The following FAM13A variants were observed in gnomAD, a reference collection of about 807,000 sequenced individuals.
FAM13A encodes the protein protein FAM13A.
In FAM13A, 76 loss-of-function variants were observed where a neutral mutation model predicts 129.6. The observed-to-expected ratio is 0.59, with a 90% CI of 0.49 to 0.71. The LOEUF (loss-of-function observed/expected upper bound fraction) is 0.71. Among genes scored for constraint, FAM13A ranks in the 30% least tolerant of loss-of-function variants. The pLI is 0.00. For missense variants in FAM13A, 1,108 were observed against 1,249.3 expected (o/e 0.89, Z 1.70); for synonymous variants, 443 against 449.9 (o/e 0.98, Z 0.20).
intron 7 of FAM13A, among the ~76,000 whole-genome samples, chr4:88,813,215 GA>G (rs1390276595): frequency 3.3e-5 from 5 of 151,978 alleles, no homozygotes; most frequent in East Asian, 3.9e-4. Context: ...GAGAGTAGGG[GA>G]AAAAAAATTA....
At chr4:88,837,437 CG>C (rs1735008537) in intron 7 of FAM13A, among the ~76,000 whole-genome samples, 1 of 149,966 alleles carries the variant, frequency 6.7e-6, no homozygotes, top group African/African-American at 2.5e-5. Context: ...CAGCCTTTGC[CG>C]GGCACGGTGG....
chr4:88,973,815 G>A (rs1031861054), intron 4 of FAM13A, among the ~76,000 whole-genome samples: 1 of 152,142 alleles, frequency 6.6e-6, no homozygotes, highest in African/African-American at 2.4e-5. Context: ...ACAGCCCCAT[G>A]ATTAGGTCTG....
rs1476341586 is a variant in FAM13A, at chr4:88,781,343, A to T, written c.1280T>A (p.Ile427Asn). Residue 427 changes from isoleucine (I) to asparagine (N), a missense_variant, in exon 11 of 24, where the codon ATC becomes AAC. Around this residue, in one of 3 missense-constraint regions of FAM13A, gnomAD observed 566 missense variants for 595.7 expected, o/e 0.95. Transcript: ENST00000264344. ...EVRHGRDKGL[I>N]NKENTPSGFN... ...CCCAGAAGGAGTATTTTCTTTGTTG[A>T]TAAGTCCCCTTGAATTGAGAAAAAA... 2 of 1,600,964 alleles carry T rather than the reference A, an allele frequency of 1.2e-6. No homozygotes were observed. Among genetic ancestry groups the T allele is most frequent in the Non-Finnish European group, 1.7e-6 (2 of 1,173,920 alleles).
chr4:88,945,823 T>TAC (rs1468879825), intron 4 of FAM13A, among the ~76,000 whole-genome samples: 1 of 142,780 alleles, frequency 7.0e-6, no homozygotes, highest in South Asian at 2.1e-4. Context: ...TATATATATA[T>TAC]ACTACATATT....
intron 7 of FAM13A, among the ~76,000 whole-genome samples, chr4:88,831,750 C>A (rs181335970): frequency 6.6e-5 from 10 of 152,210 alleles, no homozygotes; most frequent in Admixed American, 5.9e-4. Flanking sequence ...AGAAAGGACA[C>A]AAACAAATGG....
chr4:88,893,429 C>T (rs1745701551), intron 6 of FAM13A, among the ~76,000 whole-genome samples: 1 of 152,184 alleles, frequency 6.6e-6, no homozygotes. Context: ...TTGAGACCAT[C>T]TTGGCTAACA....
At chr4:88,980,697 T>C (rs889127481) in intron 4 of FAM13A, among the ~76,000 whole-genome samples, 3 of 152,212 alleles carry the variant, frequency 2.0e-5, no homozygotes, top group African/African-American at 7.2e-5. Flanking sequence ...TTTTAAAAAT[T>C]TCAACTATTT....
chr4:88,924,910 T>C (rs1234301663), intron 5 of FAM13A, among the ~76,000 whole-genome samples: 1 of 151,808 alleles, frequency 6.6e-6, no homozygotes, highest in Non-Finnish European at 1.5e-5. Flanking sequence ...GAACAGACAC[T>C]TTTCAAAAGA....
intron 6 of FAM13A, among the ~76,000 whole-genome samples, chr4:88,886,852 A>C (rs984509570): frequency 6.6e-6 from 1 of 151,964 alleles, no homozygotes; most frequent in Non-Finnish European, 1.5e-5. Context: ...GGTTGCAGTG[A>C]GCTGAGATCA....
intron 3 of FAM13A, among the ~76,000 whole-genome samples, chr4:89,019,423 G>C (rs180744475): frequency 2.0e-5 from 3 of 151,996 alleles, no homozygotes; most frequent in Non-Finnish European, 4.4e-5. Context: ...GCACTTAGGA[G>C]GGAGAACTCA....
At chr4:88,778,134 T>C (rs1314480227) in intron 11 of FAM13A, among the ~76,000 whole-genome samples, 1 of 152,210 alleles carries the variant, frequency 6.6e-6, no homozygotes, top group Non-Finnish European at 1.5e-5. Flanking sequence ...CTCATGACTC[T>C]CACATTTGTA....
chr4:89,033,024 CTT>C, intron 1 of FAM13A, among the ~76,000 whole-genome samples: 1 of 152,276 alleles, frequency 6.6e-6, no homozygotes, highest in South Asian at 2.1e-4. Flanking sequence ...ATTGTTCATT[CTT>C]CCACTATTCA....
intron 3 of FAM13A, among the ~76,000 whole-genome samples, chr4:89,011,216 T>C (rs977686185): frequency 6.7e-6 from 1 of 148,270 alleles, no homozygotes; most frequent in Non-Finnish European, 1.5e-5. Flanking sequence ...TCTGGTAACC[T>C]TCCTTTAAAA....
At chr4:88,897,175 ATGT>A (rs1746493293) in intron 6 of FAM13A, among the ~76,000 whole-genome samples, 1 of 152,160 alleles carries the variant, frequency 6.6e-6, no homozygotes, top group Admixed American at 6.5e-5. Context: ...ACAAGGACCT[ATGT>A]TGTTCTACAT....
At chr4:88,909,801 G>A (rs1257959767) in intron 5 of FAM13A, among the ~76,000 whole-genome samples, 2 of 152,038 alleles carry the variant, frequency 1.3e-5, no homozygotes, top group Non-Finnish European at 2.9e-5. Flanking sequence ...TCTTTTTAGG[G>A]TGATAAAAAT....
At chr4:88,998,344 C>T (rs1366308867) in intron 3 of FAM13A, among the ~76,000 whole-genome samples, 1 of 152,172 alleles carries the variant, frequency 6.6e-6, no homozygotes, top group African/African-American at 2.4e-5. Flanking sequence ...CACATTCACC[C>T]AGGTACCAAA....
At chr4:89,035,143 T>A (rs1301262508) in intron 1 of FAM13A, among the ~76,000 whole-genome samples, 2 of 152,094 alleles carry the variant, frequency 1.3e-5, no homozygotes, top group Non-Finnish European at 2.9e-5. Context: ...AAATACAGCA[T>A]GTTCTCACAT....
chr4:88,911,217 A>C (rs1312586520), intron 5 of FAM13A, among the ~76,000 whole-genome samples: 1 of 152,148 alleles, frequency 6.6e-6, no homozygotes, highest in East Asian at 1.9e-4. Flanking sequence ...TCTTTCCTCC[A>C]GTCTCCAATC....
At chr4:88,879,349 T>C (rs923052427) in intron 6 of FAM13A, among the ~76,000 whole-genome samples, 5 of 152,224 alleles carry the variant, frequency 3.3e-5, no homozygotes, top group Non-Finnish European at 5.9e-5. Context: ...TAACATGCTA[T>C]AGCATATAAG....
Sources: allele counts gnomAD v4.1 joint callset (sites outside exome capture counted in the v4.1 genomes callset), GRCh38; gene constraint gnomAD v4.1.1; regional missense constraint gnomAD v4.1.1; transcripts MANE v1.5; gene names NCBI Gene and HGNC (gene_info 2026-07-23, HGNC 2026-07-21).